Variants in CHD9 observed in about 807,000 individuals in gnomAD.
The protein encoded by CHD9 is ATP-dependent chromatin remodeler CHD9.
Under a neutral mutation model 316.1 loss-of-function variants are expected in CHD9, and 77 were observed. The observed-to-expected ratio is 0.24, with a 90% CI of 0.20 to 0.29. The LOEUF is 0.29. Among genes scored for constraint, CHD9 ranks in the 10% least tolerant of loss-of-function variants. The pLI, the probability that CHD9 is intolerant of heterozygous loss-of-function variation, is 1.00. For synonymous variants in CHD9, 1,129 were observed against 1,158.3 expected (o/e 0.97, Z 0.51); for missense variants, 2,763 against 3,438.1 (o/e 0.80, Z 4.91).
At chr16:53,191,443 A>G (rs927305473) in intron 2 of CHD9, among the ~76,000 whole-genome samples, 1 of 152,032 alleles carries the variant, frequency 6.6e-6, no homozygotes, top group Non-Finnish European at 1.5e-5. Context: ...ACCTCTTTCA[A>G]CCACCACTGC....
chr16:53,067,776 T>G (rs546795345), intron 1 of CHD9, among the ~76,000 whole-genome samples: 1 of 152,218 alleles, frequency 6.6e-6, no homozygotes, highest in African/African-American at 2.4e-5. Context: ...TTCTCCACGG[T>G]AAAGTTAACT....
chr16:53,165,710 A>G (rs2042226738), intron 2 of CHD9, among the ~76,000 whole-genome samples: 1 of 106,258 alleles, frequency 9.4e-6, no homozygotes, highest in Admixed American at 8.6e-5. Flanking sequence ...ATATAAAACT[A>G]AAGCAATGCT....
At chr16:53,171,367 C>T (rs979530743) in intron 2 of CHD9, among the ~76,000 whole-genome samples, 44 of 151,820 alleles carry the variant, frequency 2.9e-4, no homozygotes, top group African/African-American at 9.9e-4. Flanking sequence ...TGCAGTGATC[C>T]GAGATCACGC....
chr16:53,276,738 G>A (rs993620736), intron 24 of CHD9, among the ~76,000 whole-genome samples: 1 of 151,778 alleles, frequency 6.6e-6, no homozygotes, highest in African/African-American at 2.4e-5. Context: ...TGGCATACAT[G>A]TATGCCTTAA....
chr16:53,277,151 G>C (rs1275838907), intron 24 of CHD9, among the ~76,000 whole-genome samples: 1 of 152,086 alleles, frequency 6.6e-6, no homozygotes, highest in African/African-American at 2.4e-5. Flanking sequence ...GGACCAGATG[G>C]ATTAACAGCT....
chr16:53,108,827 A>G (rs1265557896), intron 1 of CHD9, among the ~76,000 whole-genome samples: 5 of 151,874 alleles, frequency 3.3e-5, no homozygotes, highest in African/African-American at 4.8e-5. Flanking sequence ...GTGAGCTGAG[A>G]TCGATCCATT....
chr16:53,062,279 C>G (rs946096091), intron 1 of CHD9, among the ~76,000 whole-genome samples: 1 of 152,224 alleles, frequency 6.6e-6, no homozygotes, highest in Non-Finnish European at 1.5e-5. Context: ...AAAACTGTAA[C>G]AATCTAATAA....
intron 1 of CHD9, among the ~76,000 whole-genome samples, chr16:53,136,275 A>G (rs2039703923): frequency 6.6e-6 from 1 of 152,162 alleles, no homozygotes; most frequent in African/African-American, 2.4e-5. Context: ...ATAAAGGGAC[A>G]TAGTTTGAAA....
intron 30 of CHD9, among the ~76,000 whole-genome samples, chr16:53,301,685 CT>C (rs1471735218): frequency 6.6e-6 from 1 of 151,006 alleles, no homozygotes; most frequent in African/African-American, 2.4e-5. Flanking sequence ...TTTTGAACTA[CT>C]TTTAAAATTA....
chr16:53,242,287 T>A (rs1473201121), intron 12 of CHD9, among the ~76,000 whole-genome samples: 1 of 152,202 alleles, frequency 6.6e-6, no homozygotes, highest in Admixed American at 6.5e-5. Context: ...AATTATTTTC[T>A]TAATAACTAT....
At position 53,304,327 on chromosome 16, in the gene CHD9, C is replaced by T; in HGVS notation, c.6321C>T (p.Ala2107=). Residue 2107 remains alanine, a synonymous_variant, in exon 31 of 39, where the codon GCC becomes GCT. Coordinates refer to ENST00000447540, the MANE Select transcript of CHD9 (RefSeq NM_001308319.2). ...AAACAGACAGACGCATGGTTGCAGC[C>T]AGAACAGAACCCCTAACTCCAAACC... is the stretch of plus-strand genomic sequence containing the variant. The part of the protein sequence containing the change: ...KCETDRRMVA[A]RTEPLTPNPA... 6.2e-7 allele frequency: 1 copy of T among 1,612,526 alleles called. No individual in the cohort carries two copies. The highest frequency in any genetic ancestry group is 1.1e-5 in the South Asian group (1 of 91,036).
intron 4 of CHD9, among the ~76,000 whole-genome samples, chr16:53,225,949 G>C (rs971224816): frequency 1.3e-5 from 2 of 151,906 alleles, no homozygotes; most frequent in East Asian, 3.8e-4. Context: ...TATTGCCCAA[G>C]TTATGACATA....
chr16:53,255,506 A>G (rs1301571758), intron 18 of CHD9, 94 bp from the exon 19 acceptor site: 2 of 1,095,714 alleles, frequency 1.8e-6, no homozygotes, highest in African/African-American at 1.6e-5. Context: ...CAGTTTAAGC[A>G]TGCCTCTTGT....
At chr16:53,106,272 A>C (rs1042130742) in intron 1 of CHD9, among the ~76,000 whole-genome samples, 3 of 152,198 alleles carry the variant, frequency 2.0e-5, no homozygotes, top group Non-Finnish European at 2.9e-5. Flanking sequence ...TCTGGGATCT[A>C]TCCTTCAATT....
In CHD9 at chr16:53,245,221, A is replaced by T. The variant is rs561885565; in HGVS notation, c.3055-115A>T. The T allele has an allele frequency of 5.9e-6, 4 of 672,816 alleles. No homozygotes were observed. The highest frequency in any genetic ancestry group is 9.3e-6 in the Non-Finnish European group (4 of 428,246). 41.7% of individuals were successfully genotyped at this position (672,816 alleles called of 1,614,324 possible). On this transcript the variant is annotated intron_variant, in intron 13 of 38. Transcript: ENST00000447540. The surrounding 1 kb of genome is among the most constrained non-coding windows in gnomAD (Gnocchi z 4.1). ...ACACACACACACACATAACATATATATATGTATATATAGTCAGAAAAATAT... is the reference window on the plus strand; with the variant it reads ...ACACACACACACACATAACATATATTTATGTATATATAGTCAGAAAAATAT...
At chr16:53,114,867 G>A (rs967077542) in intron 1 of CHD9, among the ~76,000 whole-genome samples, 6 of 152,232 alleles carry the variant, frequency 3.9e-5, no homozygotes, top group South Asian at 4.1e-4. Context: ...GATTACAGGC[G>A]TGAGCCACCG....
At chr16:53,155,494 A>C (rs1197476254) in intron 1 of CHD9, among the ~76,000 whole-genome samples, 1 of 152,196 alleles carries the variant, frequency 6.6e-6, no homozygotes, top group Non-Finnish European at 1.5e-5. Flanking sequence ...GTTTCAAAAT[A>C]ATTTTACTTA....
chr16:53,305,315 C>T (rs2055860639), intron 31 of CHD9, among the ~76,000 whole-genome samples: 2 of 152,216 alleles, frequency 1.3e-5, no homozygotes, highest in East Asian at 3.9e-4. Context: ...CCCGCCTTAG[C>T]CTCCCAAAGT....
intron 1 of CHD9, among the ~76,000 whole-genome samples, chr16:53,062,016 G>C (rs776607533): frequency 1.1e-4 from 17 of 152,274 alleles, no homozygotes; most frequent in Middle Eastern, 6.8e-3. Context: ...CTTTGATCCT[G>C]CTCTGCCCGC....
Sources: allele counts gnomAD v4.1 joint callset (sites outside exome capture counted in the v4.1 genomes callset), GRCh38; gene constraint gnomAD v4.1.1; non-coding constraint Gnocchi (gnomAD v3.1); transcripts MANE v1.5; gene names NCBI Gene and HGNC (gene_info 2026-07-23, HGNC 2026-07-21).